Variants in HIVEP3 observed in about 807,000 individuals in gnomAD.
HIVEP3 encodes HIVEP zinc finger 3.
A neutral mutation model predicts 152.8 loss-of-function variants in HIVEP3; 49 were observed. The ratio of observed to expected loss-of-function variants is 0.32; its 90% CI spans 0.26 to 0.41. The LOEUF (loss-of-function observed/expected upper bound fraction) is 0.41. HIVEP3 is among the 10% of genes least tolerant of loss of function. The pLI, the probability that HIVEP3 is intolerant of heterozygous loss-of-function variation, is 1.00. For synonymous variants in HIVEP3, 1,269 were observed against 1,289.0 expected (o/e 0.98, Z 0.33); for missense variants, 2,790 against 3,103.3 (o/e 0.90, Z 2.40).
At chr1:41,846,491 C>T (rs1404473709) in intron 1 of HIVEP3, among the ~76,000 whole-genome samples, 1 of 152,190 alleles carries the variant, frequency 6.6e-6, no homozygotes, top group East Asian at 1.9e-4. Flanking sequence ...ACAGGCAATG[C>T]CGTCAAGGTT....
At chr1:41,570,319 C>T (rs1322074898) in intron 5 of HIVEP3, among the ~76,000 whole-genome samples, 1 of 152,148 alleles carries the variant, frequency 6.6e-6, no homozygotes, top group Non-Finnish European at 1.5e-5. Flanking sequence ...ATTGTAATCC[C>T]TATAATCCCC....
chr1:41,808,809 G>T (rs545969073), intron 1 of HIVEP3, among the ~76,000 whole-genome samples: 1 of 152,350 alleles, frequency 6.6e-6, no homozygotes, highest in East Asian at 1.9e-4. Context: ...CCCATATGGA[G>T]CAAGGGATGG....
rs1395382508 is a variant in HIVEP3, at chr1:41,583,335, C to T, written c.1463G>A (p.Arg488Gln). 6.2e-7 allele frequency: 1 copy of T among 1,610,942 alleles called. No homozygotes were observed. Among genetic ancestry groups the T allele is most frequent in the Non-Finnish European group, 8.5e-7 (1 of 1,178,410 alleles). ...GCTGCTGCGCCTGGACAGTGAGCTC[C>T]GCCTTGGCTTCACGCTGTCGATCTC... Reference protein sequence around the residue: ...TSEIDSVKPRRSSLSRRSSME... With the variant: ...TSEIDSVKPRQSSLSRRSSME... Residue 488 changes from arginine (R) to glutamine (Q), a missense_variant, in exon 4 of 9, where the codon CGG becomes CAG. Physicochemically the swap from Arg to Gln is conservative, Grantham distance 43. Around this residue, in one of 9 missense-constraint regions of HIVEP3, gnomAD observed 134 missense variants for 242.5 expected, o/e 0.55. Coordinates refer to ENST00000372583, the MANE Select transcript of HIVEP3 (RefSeq NM_024503.5). The surrounding 1 kb of genome is among the most constrained non-coding windows in gnomAD (Gnocchi z 6.9).
intron 3 of HIVEP3, among the ~76,000 whole-genome samples, chr1:41,610,616 C>T (rs1644883509): frequency 6.6e-6 from 1 of 152,192 alleles, no homozygotes; most frequent in African/African-American, 2.4e-5. Flanking sequence ...GGGGCAGTGG[C>T]CCACAGCCTT....
rs1642419540 is a variant in HIVEP3, at chr1:41,511,694, T to A, written c.6406-428A>T. Among the ~76,000 whole-genome samples the A allele has an allele frequency of 6.6e-6, 1 of 152,158 alleles. No individual in the cohort carries two copies. Among genetic ancestry groups the A allele is most frequent in the South Asian group, 2.1e-4 (1 of 4,824 alleles). Reference sequence around the variant, plus strand: ...TGAGGCTCTTTGCCCTTCTGCTACCTCCAGGAATTTGAATGTGAACCCAAA... The same window carrying A: ...TGAGGCTCTTTGCCCTTCTGCTACCACCAGGAATTTGAATGTGAACCCAAA... On this transcript the variant is annotated intron_variant, in intron 8 of 8. Transcript: ENST00000372583. The surrounding 1 kb of genome is among the most constrained non-coding windows in gnomAD (Gnocchi z 4.9).
At chr1:41,716,954 C>G (rs12561792) in intron 1 of HIVEP3, among the ~76,000 whole-genome samples, 1 of 152,220 alleles carries the variant, frequency 6.6e-6, no homozygotes, top group African/African-American at 2.4e-5. Context: ...GCTGCACGCA[C>G]GTTGTGGAAG....
rs1468816294 is a variant in HIVEP3 at position 41,584,515 on chromosome 1, G to A, written c.283C>T (p.Leu95Phe). The A allele has an allele frequency of 6.2e-7, 1 of 1,614,154 alleles. No individual in the cohort carries two copies. Among genetic ancestry groups the A allele is most frequent in the Non-Finnish European group, 8.5e-7 (1 of 1,180,038 alleles). Reference protein sequence around the residue: ...PIEASVHISQLPQHPLTPAFM... With the variant: ...PIEASVHISQFPQHPLTPAFM... ...GCTGGTGTCAGAGGGTGCTGCGGAA[G>A]CTGTGAGATGTGGACGGATGCTTCG... The change falls in exon 4 of 9, where the codon CTT (leucine) becomes TTT (phenylalanine). Residue 95 changes from leucine (L) to phenylalanine (F), a missense_variant. Around this residue, in one of 9 missense-constraint regions of HIVEP3, gnomAD observed 209 missense variants for 237.0 expected, o/e 0.88. Coordinates refer to ENST00000372583, the MANE Select transcript of HIVEP3 (RefSeq NM_024503.5). This position sits in a 1 kb window ranked among gnomAD's most constrained non-coding sequence, Gnocchi z 5.2.
At chr1:41,549,545 C>T (rs890309693) in intron 5 of HIVEP3, among the ~76,000 whole-genome samples, 1 of 152,136 alleles carries the variant, frequency 6.6e-6, no homozygotes. Context: ...GTTGTTTCCT[C>T]ACTTTTTAAT....
At chr1:41,982,428 A>C (rs1281762739) in intron 1 of HIVEP3, among the ~76,000 whole-genome samples, 4 of 152,200 alleles carry the variant, frequency 2.6e-5, no homozygotes, top group Non-Finnish European at 2.9e-5. Context: ...CCTTATTTTG[A>C]TGAACAGCTA....
In HIVEP3 at chr1:41,711,527, C is replaced by T. The variant is rs1432813515; in HGVS notation, c.-800-10532G>A. Among the ~76,000 whole-genome samples the T allele has an allele frequency of 2.6e-5, 4 of 152,202 alleles. No individual in the cohort carries two copies. The South Asian group carries it at 6.2e-4, about 24-fold the overall frequency. On this transcript the variant is annotated intron_variant, in intron 1 of 8. Transcript: ENST00000372583. ...GAAGCTCTGCAAGTTTGAGGAAGTT[C>T]CATGGGAAGGTGATCTCTTTGAGCC... is the stretch of plus-strand genomic sequence containing the variant.
In HIVEP3 at chr1:41,510,294, G is replaced by A. The variant is rs143605265; in HGVS notation, c.*157C>T. Reference sequence around the variant, plus strand: ...ACAAAAGGTGTAGAAAAAGGCACAGGTAACTGCATACATGGGAAGGTACAA... The same window carrying A: ...ACAAAAGGTGTAGAAAAAGGCACAGATAACTGCATACATGGGAAGGTACAA... On this transcript the variant is annotated 3_prime_UTR_variant, in exon 9 of 9. Coordinates refer to ENST00000372583, the MANE Select transcript of HIVEP3 (RefSeq NM_024503.5). 8.3e-6 allele frequency: 4 copies of A among 483,850 alleles called. No individual in the cohort carries two copies. The Admixed American group carries it at 1.7e-4, about 20-fold the overall frequency. 30.0% of individuals were successfully genotyped at this position (483,850 alleles called of 1,614,324 possible).
At chr1:41,570,360 T>C (rs953195678) in intron 5 of HIVEP3, among the ~76,000 whole-genome samples, 3 of 152,324 alleles carry the variant, frequency 2.0e-5, no homozygotes, top group East Asian at 1.9e-4. Flanking sequence ...GGTGGAGGAA[T>C]TGAATCATGG....
At chr1:41,545,730 A>G (rs1393176207) in intron 5 of HIVEP3, among the ~76,000 whole-genome samples, 3 of 139,678 alleles carry the variant, frequency 2.1e-5, no homozygotes, top group African/African-American at 7.9e-5. Flanking sequence ...CAATACCACT[A>G]CCATCACCAC....
At chr1:41,644,159 T>G (rs1357081283) in intron 2 of HIVEP3, among the ~76,000 whole-genome samples, 1 of 152,122 alleles carries the variant, frequency 6.6e-6, no homozygotes, top group African/African-American at 2.4e-5. Context: ...GTGCTGGGAT[T>G]ACAGGTGTGA....
At chr1:41,514,838 A>G (rs893288844) in intron 7 of HIVEP3, among the ~76,000 whole-genome samples, 1 of 152,252 alleles carries the variant, frequency 6.6e-6, no homozygotes, top group Admixed American at 6.5e-5. Flanking sequence ...TAAACAGACT[A>G]TAAGAATAAT....
intron 2 of HIVEP3, among the ~76,000 whole-genome samples, chr1:41,668,305 C>G (rs965890937): frequency 6.6e-6 from 1 of 152,144 alleles, no homozygotes; most frequent in Non-Finnish European, 1.5e-5. Context: ...TGAATGCTGC[C>G]GAAGACATGG....
intron 5 of HIVEP3, among the ~76,000 whole-genome samples, chr1:41,561,282 A>C (rs1163646850): frequency 1.3e-5 from 2 of 152,204 alleles, no homozygotes; most frequent in Non-Finnish European, 2.9e-5. Context: ...CCCAAGCCTC[A>C]TTCTTACATC....
intron 1 of HIVEP3, among the ~76,000 whole-genome samples, chr1:41,763,806 A>C (rs771357446): frequency 2.0e-5 from 3 of 152,256 alleles, no homozygotes; most frequent in Non-Finnish European, 4.4e-5. Context: ...GTTTGGTGAC[A>C]AATGTCACAA....
chr1:41,629,264 C>T (rs549053208), intron 2 of HIVEP3, among the ~76,000 whole-genome samples: 1 of 152,290 alleles, frequency 6.6e-6, no homozygotes, highest in African/African-American at 2.4e-5. Flanking sequence ...TTACAGGGCA[C>T]AACTGACCTT....
Sources: gnomAD v4.1 joint callset for allele counts (sites outside exome capture counted in the v4.1 genomes callset) on GRCh38, gnomAD v4.1.1 for gene constraint, gnomAD v4.1.1 regional missense constraint, Gnocchi (gnomAD v3.1) non-coding constraint, MANE v1.5 for transcripts, NCBI Gene and HGNC (gene_info 2026-07-23, HGNC 2026-07-21) for gene names.